PPP2R3A: variants seen among roughly 807,000 people sequenced by gnomAD.
PPP2R3A encodes protein phosphatase 2 regulatory subunit B''alpha, also known as serine/threonine-protein phosphatase 2A regulatory subunit B'' subunit alpha.
Under a neutral mutation model 106.9 loss-of-function variants are expected in PPP2R3A, and 80 were observed. That is an observed-to-expected ratio of 0.75 (90% confidence interval 0.62 to 0.90). The LOEUF (loss-of-function observed/expected upper bound fraction) is 0.90, where lower values mean the gene tolerates loss of function less well. Among genes scored for constraint, PPP2R3A ranks in the 40% least tolerant of loss-of-function variants. PPP2R3A has a pLI of 0.00. For synonymous variants in PPP2R3A, 483 were observed against 468.3 expected, an observed-to-expected ratio of 1.03 and a Z score of -0.41; for missense variants, 1,386 against 1,350.4, an observed-to-expected ratio of 1.03 and a Z score of -0.41.
chr3:136,118,563 A>G (rs1937869265), intron 13 of PPP2R3A, among the ~76,000 whole-genome samples: 1 of 152,226 alleles, frequency 6.6e-6, no homozygotes, highest in Admixed American at 6.5e-5. Flanking sequence ...AGAAATCACA[A>G]GCATTCCTAT....
chr3:136,070,358 C>CTTT (rs1936389144), intron 5 of PPP2R3A, 120 bp from the exon 6 acceptor site: 1 of 631,206 alleles, frequency 1.6e-6, no homozygotes, highest in Admixed American at 3.6e-5. Context: ...ATTTTAAGTG[C>CTTT]ATTATTCATT....
chr3:136,008,284 T>C (rs1349602490), intron 2 of PPP2R3A, among the ~76,000 whole-genome samples: 1 of 152,198 alleles, frequency 6.6e-6, no homozygotes, highest in Non-Finnish European at 1.5e-5. Flanking sequence ...GTGCTCATGG[T>C]GCCTGGATTC....
At chr3:136,043,055 G>C (rs1935341180) in intron 4 of PPP2R3A, among the ~76,000 whole-genome samples, 1 of 151,666 alleles carries the variant, frequency 6.6e-6, no homozygotes, top group Non-Finnish European at 1.5e-5. Flanking sequence ...ATTGCTAACA[G>C]GTAATTATAC....
intron 3 of PPP2R3A, among the ~76,000 whole-genome samples, chr3:136,028,835 T>G (rs111442034): frequency 9.2e-5 from 14 of 152,140 alleles, no homozygotes; most frequent in Admixed American, 6.5e-4. Flanking sequence ...TGTTGTTGTT[T>G]TTTGTTGTTG....
At chr3:135,983,853 A>C (rs904218612) in intron 1 of PPP2R3A, among the ~76,000 whole-genome samples, 2 of 152,218 alleles carry the variant, frequency 1.3e-5, no homozygotes, top group African/African-American at 4.8e-5. Flanking sequence ...GTTTGACAAC[A>C]AACTTATAGC....
At chr3:136,131,650 A>G (rs1938422009) in intron 13 of PPP2R3A, among the ~76,000 whole-genome samples, 3 of 152,276 alleles carry the variant, frequency 2.0e-5, no homozygotes, top group South Asian at 2.1e-4. Context: ...TGACCCAACA[A>G]TCCCATTACT....
intron 13 of PPP2R3A, among the ~76,000 whole-genome samples, chr3:136,115,586 A>G (rs1458357528): frequency 6.6e-6 from 1 of 151,948 alleles, no homozygotes; most frequent in Non-Finnish European, 1.5e-5. Flanking sequence ...ACACAGCACA[A>G]GAACCTCGTG....
chr3:136,112,853 C>T (rs1937615865), intron 13 of PPP2R3A, among the ~76,000 whole-genome samples: 1 of 152,142 alleles, frequency 6.6e-6, no homozygotes, highest in African/African-American at 2.4e-5. Context: ...TCATATGAAG[C>T]TGGGCGCGGT....
intron 13 of PPP2R3A, among the ~76,000 whole-genome samples, chr3:136,121,166 T>C (rs113494175): frequency 3.9e-5 from 6 of 152,070 alleles, no homozygotes; most frequent in African/African-American, 1.2e-4. Flanking sequence ...AGCAAAGACA[T>C]GGAATCAACC....
intron 13 of PPP2R3A, among the ~76,000 whole-genome samples, chr3:136,116,279 T>C (rs1937755527): frequency 6.6e-6 from 1 of 152,158 alleles, no homozygotes; most frequent in Non-Finnish European, 1.5e-5. Context: ...TACCAGCCAC[T>C]GCAAAAACAT....
intron 12 of PPP2R3A, among the ~76,000 whole-genome samples, chr3:136,105,909 G>A (rs747543481): frequency 2.6e-5 from 4 of 151,966 alleles, no homozygotes; most frequent in Non-Finnish European, 4.4e-5. Flanking sequence ...GCAGTGAGCC[G>A]AGATCGTGCC....
chr3:136,026,905 C>T lies in PPP2R3A; in HGVS notation c.2069C>T (p.Pro690Leu). The T allele has an allele frequency of 6.2e-7, 1 of 1,613,006 alleles. No homozygotes were observed. The highest frequency in any genetic ancestry group is 8.5e-7 in the Non-Finnish European group (1 of 1,179,074). ...PPATSPSSPR[P>L]LSPVPHVNNV... ...GCCACCTCTCCAAGTAGTCCCCGACCTCTCTCCCCGGTTCCCCATGTGAAT... is the reference window on the plus strand; with the variant it reads ...GCCACCTCTCCAAGTAGTCCCCGACTTCTCTCCCCGGTTCCCCATGTGAAT... Residue 690 changes from proline (P) to leucine (L), a missense_variant, in exon 3 of 14, where the codon CCT (proline) becomes CTT (leucine). Pro to Leu is a moderately conservative substitution (Grantham distance 98). Coordinates refer to ENST00000264977, the MANE Select transcript of PPP2R3A (RefSeq NM_002718.5).
chr3:136,108,024 G>T (rs1284539678), intron 13 of PPP2R3A, among the ~76,000 whole-genome samples: 13 of 152,150 alleles, frequency 8.5e-5, no homozygotes, highest in Admixed American at 8.5e-4. Context: ...ACCAGCCTGG[G>T]CAATGTGGCG....
intron 10 of PPP2R3A, among the ~76,000 whole-genome samples, chr3:136,093,208 A>G (rs919481234): frequency 4.9e-4 from 75 of 152,314 alleles, no homozygotes; most frequent in Non-Finnish European, 3.2e-4. Flanking sequence ...CAGGAATTCA[A>G]TACCAGCCTG....
chr3:135,995,398 A>G (rs1356565930), intron 1 of PPP2R3A, among the ~76,000 whole-genome samples: 2 of 151,310 alleles, frequency 1.3e-5, no homozygotes, highest in East Asian at 3.9e-4. Context: ...CTTATCCTCT[A>G]GAACTTTTTT....
At chr3:136,080,780 C>T (rs1479559454) in intron 7 of PPP2R3A, among the ~76,000 whole-genome samples, 13 of 151,958 alleles carry the variant, frequency 8.6e-5, no homozygotes, top group Admixed American at 8.5e-4. Flanking sequence ...TTGTACTTAC[C>T]ATATCATGGT....
chr3:136,004,811 G>A (rs1419056161), intron 2 of PPP2R3A, among the ~76,000 whole-genome samples: 4 of 152,074 alleles, frequency 2.6e-5, no homozygotes, highest in African/African-American at 9.7e-5. Context: ...TTCATAATCT[G>A]GGTAGTAGAT....
At chr3:136,087,361 A>T (rs1413250857) in intron 8 of PPP2R3A, 1 of 148,648 alleles carries the variant, frequency 6.7e-6, no homozygotes, top group African/African-American at 2.5e-5. Context: ...TGGAATTTCT[A>T]AAAATCTTAT....
chr3:135,992,629 A>C (rs1933221440), intron 1 of PPP2R3A, among the ~76,000 whole-genome samples: 1 of 152,194 alleles, frequency 6.6e-6, no homozygotes, highest in Non-Finnish European at 1.5e-5. Flanking sequence ...GAGACACCCC[A>C]AAAAATGTAG....
Sources: gnomAD v4.1 joint callset for allele counts (sites outside exome capture counted in the v4.1 genomes callset) on GRCh38, gnomAD v4.1.1 for gene constraint, MANE v1.5 for transcripts, NCBI Gene and HGNC (gene_info 2026-07-23, HGNC 2026-07-21) for gene names.